The following ZNF410 variants were observed in gnomAD, a reference collection of about 807,000 sequenced individuals.
The protein encoded by ZNF410 is another partner for ARF 1.
Under a neutral mutation model 54.8 loss-of-function variants are expected in ZNF410, and 18 were observed. That is an observed-to-expected ratio of 0.33 (90% confidence interval 0.23 to 0.49). ZNF410 has a LOEUF of 0.49. Among genes scored for constraint, ZNF410 ranks in the 20% least tolerant of loss-of-function variants. ZNF410 has a pLI of 0.99. For synonymous variants in ZNF410, 191 were observed against 207.3 expected (o/e 0.92, Z 0.68); for missense variants, 405 against 569.6 (o/e 0.71, Z 2.94).
At chr14:73,912,904 G>A (rs1248193298) in intron 8 of ZNF410, among the ~76,000 whole-genome samples, 1 of 151,432 alleles carries the variant, frequency 6.6e-6, no homozygotes, top group Non-Finnish European at 1.5e-5. Context: ...TTAGTTCAGG[G>A]GTACATGTGT....
rs375433517 is a variant in ZNF410 at position 73,913,368 on chromosome 14, T to C, written c.1003+3938T>C. 18 of 151,920 alleles carry C rather than the reference T, an allele frequency of 1.2e-4. No homozygotes were observed. The East Asian group carries it at 1.4e-3, about 11-fold the overall frequency. 9.4% of individuals were successfully genotyped at this position (151,920 alleles called of 1,614,324 possible). On this transcript the variant is annotated intron_variant, in intron 8 of 11. Transcript: ENST00000555044. ...AGAAGCCAAGGCCAAAGGAATGGAC[T>C]CCAGACACCCCCTCTTCCAGAGCAA...
Position 73,931,641 on chromosome 14 carries a change from T to C in ZNF410, c.*100T>C. Reference sequence around the variant, plus strand: ...CCCACAACAGAACCAGAATGAATCTTTGAAGGCACAAGACTCTGCTTTTGC... The same window carrying C: ...CCCACAACAGAACCAGAATGAATCTCTGAAGGCACAAGACTCTGCTTTTGC... On this transcript the variant is annotated 3_prime_UTR_variant, in exon 12 of 12. Transcript: ENST00000555044. 1 of 1,118,198 alleles carries C rather than the reference T, an allele frequency of 8.9e-7. No individual in the cohort carries two copies. Among genetic ancestry groups the C allele is most frequent in the Non-Finnish European group, 1.3e-6 (1 of 749,916 alleles). 69.3% of individuals were successfully genotyped at this position (1,118,198 alleles called of 1,614,324 possible). A position where few individuals can be genotyped will look rare whatever the true frequency, so the allele number is the denominator to read the frequency against.
At chr14:73,906,103 A>G (rs2055486851) in intron 7 of ZNF410, among the ~76,000 whole-genome samples, 1 of 149,270 alleles carries the variant, frequency 6.7e-6, no homozygotes, top group East Asian at 2.0e-4. Context: ...GGTTCATGCC[A>G]TTCTCCTGCC....
intron 8 of ZNF410, chr14:73,913,608 G>T (rs2055849477): frequency 6.6e-6 from 1 of 152,126 alleles, no homozygotes; most frequent in South Asian, 2.1e-4. Flanking sequence ...TTTTACTTTT[G>T]TAAGTCCGCT....
rs990061178 is a variant in ZNF410, at chr14:73,931,891, A to G, written c.*350A>G. Reference sequence around the variant, plus strand: ...GGAGGTTTTCCTTTGAAGAGTTTTCATCCCAGACTCAGCTGTCTTTTCACA... The same window carrying G: ...GGAGGTTTTCCTTTGAAGAGTTTTCGTCCCAGACTCAGCTGTCTTTTCACA... On this transcript the variant is annotated 3_prime_UTR_variant, in exon 12 of 12. Transcript: ENST00000555044. 4.4e-6 allele frequency: 2 copies of G among 453,198 alleles called. No homozygotes were observed. Among genetic ancestry groups the G allele is most frequent in the Non-Finnish European group, 8.9e-6 (2 of 225,250 alleles). 28.1% of individuals were successfully genotyped at this position (453,198 alleles called of 1,614,324 possible).
intron 7 of ZNF410, 75 bp downstream of exon 7, chr14:73,905,158 T>G: frequency 1.4e-6 from 2 of 1,475,450 alleles, no homozygotes; most frequent in African/African-American, 1.4e-5. Flanking sequence ...TAGGAAAGAC[T>G]CAAGTGGGAA....
intron 5 of ZNF410, among the ~76,000 whole-genome samples, chr14:73,901,640 T>G (rs1046856382): frequency 1.1e-4 from 16 of 151,698 alleles, no homozygotes; most frequent in African/African-American, 3.6e-4. Context: ...TGTATTAGCA[T>G]GATTTTTTTG....
At position 73,932,032 on chromosome 14, in the gene ZNF410, T is replaced by TA. The variant is rs752937349; in HGVS notation, c.*491_*492insA. ...TCAATTCTCTTGTTACATTCTCCCT[T>TA]TAGCAACCTGAGTAAGAGACTCTCT... On this transcript the variant is annotated 3_prime_UTR_variant, in exon 12 of 12. Coordinates refer to ENST00000555044, the MANE Select transcript of ZNF410 (RefSeq NM_021188.3). 8 of 456,330 alleles carry TA rather than the reference T, an allele frequency of 1.8e-5. No individual in the cohort carries two copies. The highest frequency in any genetic ancestry group is 3.1e-5 in the Non-Finnish European group (7 of 226,778). The allele number at this position is 456,330 out of a possible 1,614,324, so 28.3% of individuals were successfully genotyped here. A position where few individuals can be genotyped will look rare whatever the true frequency, so the allele number is the denominator to read the frequency against.
At chr14:73,891,720 T>C (rs1300707578) in intron 1 of ZNF410, 3 of 324,722 alleles carry the variant, frequency 9.2e-6, no homozygotes, top group Non-Finnish European at 1.7e-5. Context: ...GGGGTGTGTG[T>C]GTGTGTATAC....
chr14:73,920,965 TG>T lies in ZNF410; in HGVS notation c.1004-13del. The T allele has an allele frequency of 6.2e-7, 1 of 1,613,808 alleles. No individual in the cohort carries two copies. The highest frequency in any genetic ancestry group is 1.3e-5 in the African/African-American group (1 of 75,044). On this transcript the variant is annotated splice_polypyrimidine_tract_variant and intron_variant, in intron 8 of 11. Transcript: ENST00000555044. Reference sequence around the variant, plus strand: ...GTCCTTTTGGCTTCCTTGTTTAACCTGGTCCCTGTTTCAGGAGAGAAGCCTC... The same window carrying T: ...GTCCTTTTGGCTTCCTTGTTTAACCTGTCCCTGTTTCAGGAGAGAAGCCTC...
Position 73,896,498 on chromosome 14 carries a change from A to G in ZNF410, c.352A>G (p.Ser118Gly). ...GTTGCAAGATCTACAGCCAAGTGATAGCACTTCTTTTATTCTTCTTAACCT... is the reference window on the plus strand; with the variant it reads ...GTTGCAAGATCTACAGCCAAGTGATGGCACTTCTTTTATTCTTCTTAACCT... The part of the protein sequence containing the change: ...SLLQDLQPSD[S>G]TSFILLNLTR... Residue 118 changes from serine (S) to glycine (G), a missense_variant, in exon 4 of 12, where the codon AGC (serine) becomes GGC (glycine). Ser to Gly is a moderately conservative substitution (Grantham distance 56). Around this residue, in one of 3 missense-constraint regions of ZNF410, gnomAD observed 247 missense variants for 342.8 expected, o/e 0.72. Transcript: ENST00000555044. 6.2e-7 allele frequency: 1 copy of G among 1,614,216 alleles called. No individual in the cohort carries two copies. The highest frequency in any genetic ancestry group is 1.3e-5 in the African/African-American group (1 of 75,054).
At chr14:73,926,157 A>G (rs1016008871) in intron 11 of ZNF410, among the ~76,000 whole-genome samples, 2 of 152,160 alleles carry the variant, frequency 1.3e-5, no homozygotes, top group Non-Finnish European at 2.9e-5. Flanking sequence ...TCTTCTGTAT[A>G]TATTTCAGTA....
chr14:73,919,361 ATGC>A, intron 8 of ZNF410, among the ~76,000 whole-genome samples: 1 of 152,152 alleles, frequency 6.6e-6, no homozygotes, highest in South Asian at 2.1e-4. Flanking sequence ...ATATTCCAAG[ATGC>A]TGAAGTTTGG....
chr14:73,910,741 G>A (rs2055562746), intron 8 of ZNF410, among the ~76,000 whole-genome samples: 2 of 116,178 alleles, frequency 1.7e-5, no homozygotes, highest in Admixed American at 1.1e-4. Flanking sequence ...CAACAAGAGC[G>A]AAACTCCGTC....
At chr14:73,904,751 C>G in intron 6 of ZNF410, 151 bp from the exon 7 acceptor site, 1 of 843,600 alleles carries the variant, frequency 1.2e-6, no homozygotes, top group Non-Finnish European at 1.7e-6. Flanking sequence ...GAGCCACCAC[C>G]CAGCTATAGT....
chr14:73,891,289 T>C (rs2084200631), intron 1 of ZNF410, among the ~76,000 whole-genome samples: 2 of 152,158 alleles, frequency 1.3e-5, no homozygotes. Flanking sequence ...GTATATAATT[T>C]TGTATTTTAT....
intron 3 of ZNF410, chr14:73,894,297 A>G (rs2055276778): frequency 2.9e-6 from 2 of 698,758 alleles, no homozygotes; most frequent in East Asian, 2.7e-5. Flanking sequence ...TCATTGTATC[A>G]AATGCTACTG....
chr14:73,905,833 A>T (rs139832212), intron 7 of ZNF410, among the ~76,000 whole-genome samples: 1 of 151,970 alleles, frequency 6.6e-6, no homozygotes, highest in Non-Finnish European at 1.5e-5. Context: ...TATATGGCAT[A>T]TATAAAATGC....
intron 10 of ZNF410, 26 bp from the exon 11 acceptor site, chr14:73,923,369 T>G: frequency 6.2e-7 from 1 of 1,606,978 alleles, no homozygotes; most frequent in South Asian, 1.1e-5. Context: ...CACTTTTCAT[T>G]GAAACATTTT....
Sources: allele counts gnomAD v4.1 joint callset (sites outside exome capture counted in the v4.1 genomes callset), GRCh38; gene constraint gnomAD v4.1.1; regional missense constraint gnomAD v4.1.1; transcripts MANE v1.5; gene names NCBI Gene and HGNC (gene_info 2026-07-23, HGNC 2026-07-21).